The following MCM5 variants were observed in gnomAD, a reference collection of about 807,000 sequenced individuals.
MCM5 encodes DNA replication licensing factor MCM5.
In MCM5, 46 loss-of-function variants were observed where a neutral mutation model predicts 79.9. The ratio of observed to expected loss-of-function variants is 0.58; its 90% confidence interval spans 0.45 to 0.74. MCM5 has a LOEUF of 0.74. MCM5 is among the 30% of genes least tolerant of loss of function. The probability of loss-of-function intolerance (pLI) is 0.00; values close to 1 mark genes in which losing one functional copy is unlikely to be tolerated. For synonymous variants in MCM5, 404 were observed against 390.5 expected (o/e 1.03, Z -0.41); for missense variants, 883 against 1,017.0 (o/e 0.87, Z 1.79).
At chr22:35,442,782 G>T in the MCM5 span, among the ~76,000 whole-genome samples, 1 of 152,176 alleles carries the variant, frequency 6.6e-6, no homozygotes, top group Non-Finnish European at 1.5e-5. Flanking sequence ...CATGGAAGGC[G>T]CCGTGTTCAC....
At chr22:35,438,617 A>ATCCATCCATCCACCCACATATTCG in the MCM5 span, among the ~76,000 whole-genome samples, 1 of 151,130 alleles carries the variant, frequency 6.6e-6, no homozygotes, top group Non-Finnish European at 1.5e-5. Context: ...CCACATATTC[A>ATCCATCCATCCACCCACATATTCG]TCCATCCATC....
rs1408160947 is a variant in MCM5, at chr22:35,425,238, T to C, written c.*983T>C. 2 of 152,120 alleles carry C rather than the reference T, an allele frequency of 1.3e-5. No homozygotes were observed. Among genetic ancestry groups the C allele is most frequent in the Non-Finnish European group, 2.9e-5 (2 of 68,022 alleles). The allele number at this position is 152,120 out of a possible 1,614,324, so 9.4% of individuals were successfully genotyped here. On this transcript the variant is annotated 3_prime_UTR_variant, in exon 17 of 17. Coordinates refer to ENST00000216122, the MANE Select transcript of MCM5 (RefSeq NM_006739.4). ...TTTAAAAAAGCTAGGATTCATAAAATTAAATAGAAATCAGTGAAATAAAAT... is the reference window on the plus strand; with the variant it reads ...TTTAAAAAAGCTAGGATTCATAAAACTAAATAGAAATCAGTGAAATAAAAT...
Position 35,408,393 on chromosome 22 carries a change from C to T in MCM5, c.597-15C>T. On this transcript the variant is annotated splice_polypyrimidine_tract_variant and intron_variant, in intron 5 of 16. Coordinates refer to ENST00000216122, the MANE Select transcript of MCM5 (RefSeq NM_006739.4). ...CCAGGTAGCTTTGGTGACTCTTTTC[C>T]CTTACCTTGTACAGAGATCAGGCTG... The T allele has an allele frequency of 6.2e-7, 1 of 1,608,150 alleles. No homozygotes were observed. Among genetic ancestry groups the T allele is most frequent in the African/African-American group, 1.3e-5 (1 of 74,944 alleles).
chr22:35,409,165 T>G (rs1395236527), intron 6 of MCM5, among the ~76,000 whole-genome samples: 1 of 152,190 alleles, frequency 6.6e-6, no homozygotes, highest in Non-Finnish European at 1.5e-5. Context: ...AGGTTTCACC[T>G]TGTTAGCCAG....
the MCM5 span, among the ~76,000 whole-genome samples, chr22:35,449,118 G>A: frequency 5.3e-5 from 8 of 152,282 alleles, no homozygotes; most frequent in Non-Finnish European, 8.8e-5. Context: ...AAAGCAACCC[G>A]TATGGGCTTT....
intron 2 of MCM5, 102 bp from the exon 3 acceptor site, chr22:35,403,105 C>A: frequency 7.2e-7 from 1 of 1,389,220 alleles, no homozygotes; most frequent in Non-Finnish European, 1.0e-6. Flanking sequence ...GTCATGGTGG[C>A]TGTGGTGTGG....
the MCM5 span, among the ~76,000 whole-genome samples, chr22:35,433,855 C>T: frequency 4.6e-5 from 7 of 152,170 alleles, no homozygotes; most frequent in East Asian, 3.9e-4. Flanking sequence ...CAAGCCCTGT[C>T]GGGGGCAGCC....
intron 8 of MCM5, among the ~76,000 whole-genome samples, chr22:35,413,111 C>T (rs1418501044): frequency 1.3e-5 from 2 of 151,118 alleles, no homozygotes; most frequent in East Asian, 2.0e-4. Context: ...GGTGTGATCT[C>T]GGCTCACTGC....
chr22:35,424,310 C>T lies in MCM5; in HGVS notation c.*55C>T. The T allele has an allele frequency of 3.9e-6, 5 of 1,297,604 alleles. No individual in the cohort carries two copies. Among genetic ancestry groups the T allele is most frequent in the Non-Finnish European group, 5.3e-6 (5 of 936,534 alleles). 80.4% of individuals were successfully genotyped at this position (1,297,604 alleles called of 1,614,324 possible). A position where few individuals can be genotyped will look rare whatever the true frequency, so the allele number is the denominator to read the frequency against. On this transcript the variant is annotated 3_prime_UTR_variant, in exon 17 of 17. Coordinates refer to ENST00000216122, the MANE Select transcript of MCM5 (RefSeq NM_006739.4). ...CGCCCACGCCTCGCCCCTCCTGCCG[C>T]TGCCTGCCATTGACAATGTTGCTGG...
At chr22:35,400,722 C>G in intron 2 of MCM5, 117 bp downstream of exon 2, 1 of 1,182,652 alleles carries the variant, frequency 8.5e-7, no homozygotes, top group South Asian at 1.6e-5. Flanking sequence ...GGGGAAAGAG[C>G]CGGTCCTGGG....
At chr22:35,430,544 AG>A in the MCM5 span, among the ~76,000 whole-genome samples, 1 of 142,338 alleles carries the variant, frequency 7.0e-6, no homozygotes, top group Non-Finnish European at 1.5e-5. Flanking sequence ...TCTGTCGCCC[AG>A]GCTAGAGTGT....
intron 4 of MCM5, among the ~76,000 whole-genome samples, chr22:35,406,300 C>CCCT (rs1176469360): frequency 7.3e-6 from 1 of 137,678 alleles, no homozygotes; most frequent in Non-Finnish European, 1.6e-5. Context: ...CCTGCCACCT[C>CCCT]CCCCCCCAAT....
the MCM5 span, among the ~76,000 whole-genome samples, chr22:35,431,884 T>C: frequency 6.6e-6 from 1 of 152,152 alleles, no homozygotes; most frequent in African/African-American, 2.4e-5. Flanking sequence ...CTTCTGGTGG[T>C]ATAATAGAGG....
At chr22:35,402,042 G>A (rs1932070207) in intron 2 of MCM5, among the ~76,000 whole-genome samples, 1 of 152,196 alleles carries the variant, frequency 6.6e-6, no homozygotes, top group Non-Finnish European at 1.5e-5. Context: ...CGAGGCTGGG[G>A]AACAGCCTGT....
At chr22:35,415,570 A>G (rs2145795129) in intron 9 of MCM5, among the ~76,000 whole-genome samples, 1 of 152,340 alleles carries the variant, frequency 6.6e-6, no homozygotes, top group East Asian at 1.9e-4. Flanking sequence ...AGACTGTGTC[A>G]CAGGGCTGTG....
intron 6 of MCM5, chr22:35,410,526 G>A (rs1932347666): frequency 1.3e-5 from 7 of 540,256 alleles, no homozygotes; most frequent in Non-Finnish European, 2.4e-5. Context: ...CTGTCACTGT[G>A]GGCAACACCA....
At chr22:35,442,827 G>A in the MCM5 span, among the ~76,000 whole-genome samples, 2 of 152,196 alleles carry the variant, frequency 1.3e-5, no homozygotes, top group African/African-American at 4.8e-5. Flanking sequence ...CATCTTTCCA[G>A]GCCACTACTC....
In MCM5 at chr22:35,424,360, C is replaced by G; in HGVS notation, c.*105C>G. ...GGACCTCTGCCTCCCCACTGCAGCC[C>G]TCGAACTTCCCAGGCACCCTCCTTT... On this transcript the variant is annotated 3_prime_UTR_variant, in exon 17 of 17. Transcript: ENST00000216122. 1.2e-6 allele frequency: 1 copy of G among 810,296 alleles called. No individual in the cohort carries two copies. The highest frequency in any genetic ancestry group is 1.9e-6 in the Non-Finnish European group (1 of 516,274). 50.2% of individuals were successfully genotyped at this position (810,296 alleles called of 1,614,324 possible).
At chr22:35,435,130 G>A in the MCM5 span, among the ~76,000 whole-genome samples, 1 of 152,090 alleles carries the variant, frequency 6.6e-6, no homozygotes, top group South Asian at 2.1e-4. Flanking sequence ...CAGCCTGGGC[G>A]ACAGAGCAAG....
Sources: gnomAD v4.1 joint callset for allele counts (sites outside exome capture counted in the v4.1 genomes callset) on GRCh38, gnomAD v4.1.1 for gene constraint, MANE v1.5 for transcripts, NCBI Gene and HGNC (gene_info 2026-07-23, HGNC 2026-07-21) for gene names.